Variants in NRXN3 observed in about 807,000 individuals in gnomAD.
NRXN3 encodes neurexin 3.
In NRXN3, 32 loss-of-function variants were observed where a neutral mutation model predicts 137.6. The ratio of observed to expected loss-of-function variants is 0.23; its 90% CI spans 0.18 to 0.31. The LOEUF is 0.31. Ranked by LOEUF, NRXN3 falls within the 10% of genes least tolerant of loss-of-function variation. The pLI, the probability that NRXN3 is intolerant of heterozygous loss-of-function variation, is 1.00. For synonymous variants in NRXN3, 798 were observed against 784.5 expected, an observed-to-expected ratio of 1.02 and a Z score of -0.29; for missense variants, 1,574 against 2,062.5, an observed-to-expected ratio of 0.76 and a Z score of 4.59.
intron 16 of NRXN3, among the ~76,000 whole-genome samples, chr14:79,473,426 A>G (rs80273350): frequency 0.017 from 2,624 of 152,182 alleles, 80 homozygotes; most frequent in African/African-American, 0.058. Context: ...GCCAGCCTGG[A>G]TGCTTCATTT....
At chr14:78,210,670 A>G (rs1484166875) in intron 1 of NRXN3, among the ~76,000 whole-genome samples, 1 of 151,940 alleles carries the variant, frequency 6.6e-6, no homozygotes. Context: ...CTTGGTGGTC[A>G]GTTGCTGTCC....
At chr14:78,691,850 G>C (rs1447681885) in intron 6 of NRXN3, among the ~76,000 whole-genome samples, 3 of 152,098 alleles carry the variant, frequency 2.0e-5, no homozygotes, top group African/African-American at 7.2e-5. Context: ...GGTCAGAAGA[G>C]AGTTGACTCA....
chr14:79,094,971 AGAGAGAGAGTGTGT>A (rs1568271569), intron 15 of NRXN3, among the ~76,000 whole-genome samples: 5 of 100,284 alleles, frequency 5.0e-5, no homozygotes, highest in African/African-American at 1.8e-4. Context: ...AGAGAGAGAG[AGAGAGAGAGTGTGT>A]GTGTGTGTGT....
intron 16 of NRXN3, among the ~76,000 whole-genome samples, chr14:79,542,114 A>G (rs1454265710): frequency 6.6e-6 from 1 of 152,156 alleles, no homozygotes; most frequent in African/African-American, 2.4e-5. Context: ...TGCATTGATT[A>G]AATTAAGATG....
rs371901004 is a variant in NRXN3 at position 79,601,012 on chromosome 14, AT to A, written c.3445-62764del. ...TTCTTAACAATCTTCTTCATCAGGG[AT>A]TAGATTCTTGTTTTTTTCTTTGTTG... On this transcript the variant is annotated intron_variant, in intron 16 of 20. Transcript: ENST00000335750. Among the ~76,000 whole-genome samples the A allele has an allele frequency of 4.2e-4, 59 of 140,998 alleles. 2 individuals are homozygous for A. In the South Asian group the frequency reaches 5.2e-3, roughly 12 times the overall value. 92.5% of individuals were successfully genotyped at this position (140,998 alleles called of 152,430 possible).
At chr14:78,490,707 G>C (rs935728558) in intron 4 of NRXN3, among the ~76,000 whole-genome samples, 3 of 152,154 alleles carry the variant, frequency 2.0e-5, no homozygotes, top group Non-Finnish European at 4.4e-5. Context: ...CTCTGCAGCA[G>C]ACCCACTTTG....
chr14:79,672,537 G>A (rs968838119), intron 17 of NRXN3, among the ~76,000 whole-genome samples: 3 of 152,008 alleles, frequency 2.0e-5, no homozygotes, highest in South Asian at 2.1e-4. Flanking sequence ...TCTATGTGAG[G>A]CATCAGTAAT....
chr14:79,384,328 G>C (rs1028941269), intron 15 of NRXN3, among the ~76,000 whole-genome samples: 1 of 152,100 alleles, frequency 6.6e-6, no homozygotes, highest in African/African-American at 2.4e-5. Context: ...GGTACAGTCA[G>C]TTAATGTCTA....
At chr14:78,542,639 C>T (rs2096601759) in intron 4 of NRXN3, among the ~76,000 whole-genome samples, 1 of 152,190 alleles carries the variant, frequency 6.6e-6, no homozygotes, top group South Asian at 2.1e-4. Flanking sequence ...ACCCCTTGCA[C>T]TTCCTGGGTG....
chr14:79,466,127 T>G (rs2096418804), intron 15 of NRXN3, among the ~76,000 whole-genome samples: 1 of 152,200 alleles, frequency 6.6e-6, no homozygotes, highest in Non-Finnish European at 1.5e-5. Context: ...AACCCACTAA[T>G]CATAATTGAC....
chr14:79,587,639 T>C (rs373890092), intron 16 of NRXN3, among the ~76,000 whole-genome samples: 7 of 152,182 alleles, frequency 4.6e-5, no homozygotes, highest in East Asian at 3.8e-4. Flanking sequence ...TATGTATAAA[T>C]AGAAAAGCCA....
At chr14:78,252,713 G>A (rs1459286352) in intron 2 of NRXN3, among the ~76,000 whole-genome samples, 2 of 152,176 alleles carry the variant, frequency 1.3e-5, no homozygotes, top group Non-Finnish European at 2.9e-5. Flanking sequence ...TACATTTCAG[G>A]CAATTCTGCA....
intron 4 of NRXN3, among the ~76,000 whole-genome samples, chr14:78,504,931 C>A (rs2095956497): frequency 6.6e-6 from 1 of 152,026 alleles, no homozygotes; most frequent in African/African-American, 2.4e-5. Flanking sequence ...AGCTCTTAGA[C>A]CCACCCCTCA....
At chr14:78,992,127 CCTT>C in intron 15 of NRXN3, among the ~76,000 whole-genome samples, 1 of 152,302 alleles carries the variant, frequency 6.6e-6, no homozygotes, top group Non-Finnish European at 1.5e-5. Flanking sequence ...TTAGATATGA[CCTT>C]CCACAATGTT....
chr14:79,410,846 T>G (rs1338613520), intron 15 of NRXN3, among the ~76,000 whole-genome samples: 1 of 152,126 alleles, frequency 6.6e-6, no homozygotes, highest in Non-Finnish European at 1.5e-5. Flanking sequence ...GTTTTGAAGC[T>G]CGCCACAAAA....
chr14:79,843,137 C>T (rs2099359636), intron 20 of NRXN3, among the ~76,000 whole-genome samples: 1 of 152,130 alleles, frequency 6.6e-6, no homozygotes, highest in African/African-American at 2.4e-5. Context: ...ACTTCGATTG[C>T]TTTCTATCTT....
chr14:78,300,739 G>T, intron 4 of NRXN3: 1 of 1,325,530 alleles, frequency 7.5e-7, no homozygotes, highest in South Asian at 1.3e-5. Context: ...TCTGCCTTTT[G>T]AAATATTCAT....
chr14:79,128,436 A>G (rs1214993450), intron 15 of NRXN3, among the ~76,000 whole-genome samples: 5 of 149,486 alleles, frequency 3.3e-5, no homozygotes, highest in African/African-American at 9.9e-5. Context: ...TGAGATAATC[A>G]TGTGGTTTTT....
rs551517723 is a variant in NRXN3 at position 78,221,853 on chromosome 14, A to G, written c.-703-20538A>G. On this transcript the variant is annotated intron_variant, in intron 1 of 20. Coordinates refer to ENST00000335750, the MANE Select transcript of NRXN3 (RefSeq NM_001330195.2). ...TCAAACTTTTGGTCATGTCACACCC[A>G]CTAATATTTCCTTGGCCAAAGCAAA... Among the ~76,000 whole-genome samples, 16 of 152,334 alleles carry G rather than the reference A, an allele frequency of 1.1e-4. No homozygotes were observed. The South Asian group carries it at 3.1e-3, about 30-fold the overall frequency.
Sources: gnomAD v4.1 joint callset for allele counts (sites outside exome capture counted in the v4.1 genomes callset) on GRCh38, gnomAD v4.1.1 for gene constraint, MANE v1.5 for transcripts, NCBI Gene and HGNC (gene_info 2026-07-23, HGNC 2026-07-21) for gene names.